Variants in MAX observed in about 807,000 individuals in gnomAD.
MAX encodes protein max.
MAX carries 3 observed loss-of-function variants against 22.3 expected under a neutral mutation model. The ratio of observed to expected loss-of-function variants is 0.13; its 90% confidence interval spans 0.06 to 0.35. MAX has a LOEUF of 0.35. Among genes scored for constraint, MAX ranks in the 10% least tolerant of loss-of-function variants. The probability of loss-of-function intolerance (pLI) is 1.00; values close to 1 mark genes in which losing one functional copy is unlikely to be tolerated. For synonymous variants in MAX, 72 were observed against 77.7 expected (o/e 0.93, Z 0.39); for missense variants, 119 against 209.4 (o/e 0.57, Z 2.66).
At chr14:65,071,501 C>T (rs188036904), downstream of MAX, among the ~76,000 whole-genome samples, 61 of 152,346 alleles carry the variant, frequency 4.0e-4, 1 homozygote, top group Admixed American at 3.8e-3. This position sits in a 1 kb window ranked among gnomAD's most constrained non-coding sequence, Gnocchi z 4.2. Flanking sequence ...CATCTGATGG[C>T]AGACACATCT....
chr14:65,017,030 C>A (rs2061788499), intron 3 of MAX, among the ~76,000 whole-genome samples: 1 of 146,284 alleles, frequency 6.8e-6, no homozygotes, highest in East Asian at 2.2e-4. Context: ...TCAAGCGATT[C>A]TCCTGCCTCA....
At chr14:65,043,695 G>A (rs11158571) in intron 3 of MAX, among the ~76,000 whole-genome samples, 76 of 151,300 alleles carry the variant, frequency 5.0e-4, no homozygotes, top group Non-Finnish European at 7.8e-4. Flanking sequence ...GGTGGCGGGC[G>A]CCTGTGGTCC....
At chr14:65,081,599 G>A (rs2063200955) in intron 3 of MAX, among the ~76,000 whole-genome samples, 1 of 152,216 alleles carries the variant, frequency 6.6e-6, no homozygotes, top group African/African-American at 2.4e-5. Flanking sequence ...TAAGTCAGCT[G>A]AGTCAACTGC....
rs2098613534 is a variant in MAX at position 65,031,272 on chromosome 14, G to A, written c.172-24988C>T. Reference sequence around the variant, plus strand: ...GCCCCGAGAAGAATTAGGGCTGGGAGGATGGAACAGCAAGAATGATCCTAA... The same window carrying A: ...GCCCCGAGAAGAATTAGGGCTGGGAAGATGGAACAGCAAGAATGATCCTAA... On this transcript the variant is annotated intron_variant, in intron 3 of 3. Coordinates refer to the MAX transcript ENST00000341653. The surrounding 1 kb of genome is among the most constrained non-coding windows in gnomAD (Gnocchi z 4.6). Among the ~76,000 whole-genome samples the A allele has an allele frequency of 1.3e-5, 2 of 152,006 alleles. No individual in the cohort carries two copies. The highest frequency in any genetic ancestry group is 4.2e-4 in the South Asian group (2 of 4,794).
At chr14:65,061,035 T>C in intron 3 of MAX, 1 of 1,325,458 alleles carries the variant, frequency 7.5e-7, no homozygotes, top group South Asian at 1.5e-5. Context: ...TTTTAGCAAA[T>C]ACACCATTTT....
intron 3 of MAX, among the ~76,000 whole-genome samples, chr14:65,040,605 T>A (rs975433275): frequency 4.3e-5 from 3 of 69,802 alleles, no homozygotes; most frequent in Non-Finnish European, 7.5e-5. Flanking sequence ...CAGGCCCAGC[T>A]TTTTTTTTTT....
rs1025428863 is a variant in MAX, at chr14:65,047,335, T to G, written c.172-41051A>C. On this transcript the variant is annotated intron_variant, in intron 3 of 3. Coordinates refer to the MAX transcript ENST00000341653. The surrounding 1 kb of genome is among the most constrained non-coding windows in gnomAD (Gnocchi z 5.2). ...ATACCTGATTGGCACTCACAAGGGT[T>G]AGTATGTGGTTGTGTGAATCCAGAC... Among the ~76,000 whole-genome samples the G allele has an allele frequency of 6.6e-6, 1 of 152,252 alleles. No individual in the cohort carries two copies. The highest frequency in any genetic ancestry group is 1.5e-5 in the Non-Finnish European group (1 of 68,050).
chr14:65,087,450 T>A (rs985127409), intron 3 of MAX, among the ~76,000 whole-genome samples: 4 of 152,220 alleles, frequency 2.6e-5, no homozygotes, highest in Non-Finnish European at 5.9e-5. Context: ...GGTAGAGCTA[T>A]GCAAGACCAA....
At chr14:65,051,168 C>A (rs1344466779) in intron 3 of MAX, among the ~76,000 whole-genome samples, 1 of 152,224 alleles carries the variant, frequency 6.6e-6, no homozygotes, top group Non-Finnish European at 1.5e-5. Context: ...CTGAGTGCGA[C>A]TCAGGGTTGA....
At chr14:65,092,265 T>C (rs1181881586) in intron 3 of MAX, among the ~76,000 whole-genome samples, 3 of 152,174 alleles carry the variant, frequency 2.0e-5, no homozygotes, top group Non-Finnish European at 4.4e-5. Flanking sequence ...GTGAATCGTA[T>C]GTGGGTGGTC....
intron 3 of MAX, among the ~76,000 whole-genome samples, chr14:65,034,363 C>T (rs563973637): frequency 1.3e-5 from 2 of 152,298 alleles, no homozygotes; most frequent in Admixed American, 6.5e-5. Context: ...TGTACTCCAA[C>T]AGATCCCAAA....
intron 3 of MAX, among the ~76,000 whole-genome samples, chr14:65,063,754 G>A (rs1397887796): frequency 1.3e-5 from 2 of 152,058 alleles, no homozygotes; most frequent in Non-Finnish European, 2.9e-5. Flanking sequence ...TTATAGAAAT[G>A]GGGTTTCACC....
At position 65,076,835 on chromosome 14, in the gene MAX, T is replaced by G. The variant is rs1287530141; in HGVS notation, c.296-172A>C. 5 of 716,304 alleles carry G rather than the reference T, an allele frequency of 7.0e-6. No individual in the cohort carries two copies. The African/African-American group carries it at 8.7e-5, about 12-fold the overall frequency. The allele number at this position is 716,304 out of a possible 1,614,324, so 44.4% of individuals were successfully genotyped here. ...TGGCTGTTCACTCACACACTTCATT[T>G]CCCTCCCGCCTTTCCCAGCTGGACC... On this transcript the variant is annotated intron_variant, in intron 4 of 4. Transcript: ENST00000358664. The surrounding 1 kb of genome is among the most constrained non-coding windows in gnomAD (Gnocchi z 6.6).
At chr14:65,040,660 T>G in intron 3 of MAX, 1 of 1,082,892 alleles carries the variant, frequency 9.2e-7, no homozygotes, top group Non-Finnish European at 1.2e-6. Context: ...AGTTGGCATC[T>G]TTTCATTCAT....
chr14:65,044,796 C>A lies in MAX; in HGVS notation c.172-38512G>T. The stretch of plus-strand genomic sequence containing the variant: ...ATTGCCACCTCCTCTGGGTGCAGGG[C>A]AGAGCTGAAAACCCTCAGTGTTGCA... On this transcript the variant is annotated intron_variant, in intron 3 of 3. Transcript: ENST00000341653. The surrounding 1 kb of genome is among the most constrained non-coding windows in gnomAD (Gnocchi z 5.5). 4.3e-6 allele frequency: 1 copy of A among 231,348 alleles called. No individual in the cohort carries two copies. The highest frequency in any genetic ancestry group is 6.9e-5 in the South Asian group (1 of 14,426). The allele number at this position is 231,348 out of a possible 1,614,324, so 14.3% of individuals were successfully genotyped here.
At chr14:65,016,767 G>A (rs1010785901) in intron 3 of MAX, among the ~76,000 whole-genome samples, 1 of 152,186 alleles carries the variant, frequency 6.6e-6, no homozygotes, top group Non-Finnish European at 1.5e-5. Flanking sequence ...ATTAACCCTT[G>A]TGGTACGTAG....
chr14:65,101,701 C>T (rs2063843768), intron 1 of MAX, 129 bp from the exon 2 acceptor site: 6 of 725,500 alleles, frequency 8.3e-6, no homozygotes, highest in Admixed American at 2.3e-5. Flanking sequence ...ACACCCCTTC[C>T]TCCCTCCCCA....
Position 65,102,431 on chromosome 14 carries a change from TC to T in MAX, c.-93del, listed in dbSNP as rs1333930817. ...AAGTCACCGACAACAACAAGCCGAGTCCCCCCCACACACACACTCACTCACT... is the reference window on the plus strand; with the variant it reads ...AAGTCACCGACAACAACAAGCCGAGTCCCCCCACACACACACTCACTCACT... On this transcript the variant is annotated 5_prime_UTR_variant, in exon 1 of 5. Transcript: ENST00000358664. 3.2e-6 allele frequency: 5 copies of T among 1,553,512 alleles called. No individual in the cohort carries two copies. Among genetic ancestry groups the T allele is most frequent in the South Asian group, 2.4e-5 (2 of 84,536 alleles).
chr14:65,026,591 G>A (rs1018260946), intron 3 of MAX, among the ~76,000 whole-genome samples: 1 of 152,180 alleles, frequency 6.6e-6, no homozygotes, highest in Non-Finnish European at 1.5e-5. Context: ...CGGATGCAGT[G>A]GCTCACACCT....
Sources: allele counts gnomAD v4.1 joint callset (sites outside exome capture counted in the v4.1 genomes callset), GRCh38; gene constraint gnomAD v4.1.1; non-coding constraint Gnocchi (gnomAD v3.1); transcripts MANE v1.5; gene names NCBI Gene and HGNC (gene_info 2026-07-23, HGNC 2026-07-21).